SHLD1: variants seen among roughly 807,000 people sequenced by gnomAD.
The protein encoded by SHLD1 is RINN1-REV7-interacting novel NHEJ regulator 3.
Under a neutral mutation model 5.5 loss-of-function variants are expected in SHLD1, and 3 were observed. The ratio of observed to expected loss-of-function variants is 0.54; its 90% confidence interval spans 0.25 to 1.40. SHLD1 has a LOEUF of 1.40. Ranked by LOEUF, SHLD1 falls within the 40% of genes most tolerant of loss-of-function variation. SHLD1 has a pLI of 0.15. For missense variants in SHLD1, 210 were observed against 244.4 expected (o/e 0.86, Z 0.94); for synonymous variants, 92 against 94.3 (o/e 0.98, Z 0.14).
intron 2 of SHLD1, among the ~76,000 whole-genome samples, chr20:5,847,002 GA>G (rs1283517878): frequency 1.3e-5 from 2 of 152,096 alleles, no homozygotes; most frequent in African/African-American, 4.8e-5. Context: ...ATCCTTTAGG[GA>G]AGCCCTCGAA....
At chr20:5,770,035 C>G (rs6076872) in intron 1 of SHLD1, among the ~76,000 whole-genome samples, 7 of 149,876 alleles carry the variant, frequency 4.7e-5, no homozygotes, top group African/African-American at 1.7e-4. Flanking sequence ...AAGGAATTAC[C>G]TATGTGATGA....
At chr20:5,769,102 T>G (rs11907616) in intron 1 of SHLD1, among the ~76,000 whole-genome samples, 3,247 of 152,180 alleles carry the variant, frequency 0.021, 119 homozygotes, top group African/African-American at 0.073. Context: ...AAATTGGGTC[T>G]TGCTATGTTG....
At chr20:5,815,373 T>C (rs999345028) in intron 2 of SHLD1, among the ~76,000 whole-genome samples, 4 of 152,142 alleles carry the variant, frequency 2.6e-5, no homozygotes, top group African/African-American at 9.7e-5. Flanking sequence ...CAAAATGTAA[T>C]GTGACTATTA....
Position 5,863,476 on chromosome 20 carries a change from A to T in SHLD1, c.*13A>T, listed in dbSNP as rs1777353. Reference sequence around the variant, plus strand: ...GAAAGACCTGTAACTGGTGCCGGGCAGTGTGCAGGGTAGTAATGGAGGTGC... The same window carrying T: ...GAAAGACCTGTAACTGGTGCCGGGCTGTGTGCAGGGTAGTAATGGAGGTGC... On this transcript the variant is annotated 3_prime_UTR_variant, in exon 3 of 3. Coordinates refer to ENST00000303142, the MANE Select transcript of SHLD1 (RefSeq NM_152504.4). The T allele has an allele frequency of 6.3e-7, 1 of 1,579,796 alleles. No homozygotes were observed. The highest frequency in any genetic ancestry group is 8.6e-7 in the Non-Finnish European group (1 of 1,163,878).
At chr20:5,755,643 T>C (rs961085422) in intron 1 of SHLD1, among the ~76,000 whole-genome samples, 3 of 151,942 alleles carry the variant, frequency 2.0e-5, no homozygotes, top group African/African-American at 7.2e-5. Context: ...CACCACAACC[T>C]CCGCCTCCCA....
intron 1 of SHLD1, among the ~76,000 whole-genome samples, chr20:5,769,933 G>A (rs185706636): frequency 7.4e-4 from 112 of 151,796 alleles, no homozygotes; most frequent in Middle Eastern, 3.4e-3. Flanking sequence ...GAACCCAGGA[G>A]GCGGAGGTTG....
intron 2 of SHLD1, among the ~76,000 whole-genome samples, chr20:5,851,108 C>G (rs2088003182): frequency 6.6e-6 from 1 of 152,136 alleles, no homozygotes; most frequent in African/African-American, 2.4e-5. Flanking sequence ...TGGCTGCCAT[C>G]CGAATGCCAC....
intron 2 of SHLD1, among the ~76,000 whole-genome samples, chr20:5,828,896 A>G (rs762777931): frequency 1.4e-4 from 21 of 152,188 alleles, no homozygotes; most frequent in Non-Finnish European, 2.5e-4. Context: ...ATTTTGAGAT[A>G]GGATCTCTCT....
chr20:5,818,779 A>G (rs538765618), intron 2 of SHLD1, among the ~76,000 whole-genome samples: 4 of 152,328 alleles, frequency 2.6e-5, no homozygotes, highest in East Asian at 3.9e-4. Context: ...GTTGGGGGTC[A>G]TGATCTAACT....
chr20:5,857,853 A>G (rs549585489), intron 2 of SHLD1, among the ~76,000 whole-genome samples: 4 of 151,998 alleles, frequency 2.6e-5, no homozygotes, highest in Non-Finnish European at 5.9e-5. Context: ...TAATTCTAAC[A>G]CTTTGGGAGG....
At position 5,863,770 on chromosome 20, in the gene SHLD1, G is replaced by A. The variant is rs1412390197; in HGVS notation, c.*307G>A. 3.3e-6 allele frequency: 1 copy of A among 304,070 alleles called. No homozygotes were observed. The highest frequency in any genetic ancestry group is 6.0e-6 in the Non-Finnish European group (1 of 165,570). The allele number at this position is 304,070 out of a possible 1,614,324, so 18.8% of individuals were successfully genotyped here. ...TCTCTGAGGAGTAATTTATGCTCTAGCACTCCCTTTCCTCTAGATCGGCCT... is the reference window on the plus strand; with the variant it reads ...TCTCTGAGGAGTAATTTATGCTCTAACACTCCCTTTCCTCTAGATCGGCCT... On this transcript the variant is annotated 3_prime_UTR_variant, in exon 3 of 3. Transcript: ENST00000303142.
At chr20:5,759,734 T>A (rs1251073160) in intron 1 of SHLD1, among the ~76,000 whole-genome samples, 1 of 151,850 alleles carries the variant, frequency 6.6e-6, no homozygotes, top group African/African-American at 2.4e-5. Flanking sequence ...AGAGATGGGG[T>A]TTCACCATGT....
chr20:5,779,923 A>G (rs1020612273), intron 2 of SHLD1, among the ~76,000 whole-genome samples: 5 of 151,002 alleles, frequency 3.3e-5, no homozygotes, highest in Admixed American at 3.3e-4. Context: ...AATAGAGCCA[A>G]GCTTTGGTCA....
chr20:5,787,040 A>T (rs760711013), intron 2 of SHLD1, among the ~76,000 whole-genome samples: 1 of 152,214 alleles, frequency 6.6e-6, no homozygotes, highest in Non-Finnish European at 1.5e-5. Flanking sequence ...AAAATGGACA[A>T]TTTCCCCTGT....
At chr20:5,807,260 T>G (rs796997325) in intron 2 of SHLD1, among the ~76,000 whole-genome samples, 25 of 152,336 alleles carry the variant, frequency 1.6e-4, no homozygotes, top group African/African-American at 5.5e-4. Context: ...CCATCCCAGT[T>G]TTCAAAGCAG....
chr20:5,839,486 A>AAGATAGATAGATAGAT lies in SHLD1; in HGVS notation c.179-23513_179-23498dup, dbSNP rs3058152. Among the ~76,000 whole-genome samples, 807 of 150,002 alleles carry AAGATAGATAGATAGAT rather than the reference A, an allele frequency of 5.4e-3. 8 individuals carry two copies. Among genetic ancestry groups the AAGATAGATAGATAGAT allele is most frequent in the South Asian group, 7.5e-3 (35 of 4,656 alleles). ...TGGATGAATGGATAAATTAGATAGA[A>AAGATAGATAGATAGAT]AGATAGATAGATAGATAGATAGATA... is the stretch of plus-strand genomic sequence containing the variant. On this transcript the variant is annotated intron_variant, in intron 2 of 2. Coordinates refer to ENST00000303142, the MANE Select transcript of SHLD1 (RefSeq NM_152504.4).
At chr20:5,792,224 T>C (rs1460982287) in intron 2 of SHLD1, among the ~76,000 whole-genome samples, 1 of 152,222 alleles carries the variant, frequency 6.6e-6, no homozygotes, top group African/African-American at 2.4e-5. Context: ...TTTGCTTTTG[T>C]TTCCTGTACT....
At chr20:5,792,651 C>A (rs1485542721) in intron 2 of SHLD1, among the ~76,000 whole-genome samples, 1 of 142,836 alleles carries the variant, frequency 7.0e-6, no homozygotes, top group African/African-American at 2.6e-5. Context: ...AACTCCTGAC[C>A]TCAGGTGATC....
intron 2 of SHLD1, among the ~76,000 whole-genome samples, chr20:5,802,860 G>A (rs2087314273): frequency 6.6e-6 from 1 of 152,168 alleles, no homozygotes; most frequent in African/African-American, 2.4e-5. Context: ...GAGATTACTG[G>A]CGTGAGCCAC....
Sources: allele counts gnomAD v4.1 joint callset (sites outside exome capture counted in the v4.1 genomes callset), GRCh38; gene constraint gnomAD v4.1.1; transcripts MANE v1.5; gene names NCBI Gene and HGNC (gene_info 2026-07-23, HGNC 2026-07-21).